USP8: variants seen among roughly 807,000 people sequenced by gnomAD.
USP8 encodes the protein ubiquitin specific peptidase 8, also known as ubiquitin carboxyl-terminal hydrolase 8.
USP8 carries 27 observed loss-of-function variants against 130.0 expected under a neutral mutation model. The observed-to-expected ratio is 0.21, with a 90% CI of 0.15 to 0.29. USP8 has a LOEUF of 0.29. Ranked by LOEUF, USP8 falls within the 10% of genes least tolerant of loss-of-function variation. USP8 has a pLI of 1.00. For synonymous variants in USP8, 392 were observed against 444.1 expected (o/e 0.88, Z 1.48); for missense variants, 1,029 against 1,312.2 (o/e 0.78, Z 3.33).
At position 50,481,603 on chromosome 15, in the gene USP8, G is replaced by A; in HGVS notation, c.1341G>A (p.Lys447=). ...SGKVIPDRST[K]PVVFSPTLML... is the part of the protein sequence containing the mutation. ...AAGTTATTCCTGATCGTTCCACCAA[G>A]CCAGTAGTTTTTTCTCCAACTCTCA... The change falls in exon 11 of 20, where the codon AAG becomes AAA. Residue 447 remains lysine (K), a synonymous_variant. Transcript: ENST00000307179. 6.2e-7 allele frequency: 1 copy of A among 1,614,068 alleles called. No individual in the cohort carries two copies. The highest frequency in any genetic ancestry group is 8.5e-7 in the Non-Finnish European group (1 of 1,180,004).
intron 1 of USP8, among the ~76,000 whole-genome samples, chr15:50,425,821 T>G (rs2049694136): frequency 6.6e-6 from 1 of 152,142 alleles, no homozygotes; most frequent in Non-Finnish European, 1.5e-5. Flanking sequence ...TTATGGGCAT[T>G]TGTTTATTAA....
In USP8 at chr15:50,490,411, A is replaced by G. The variant is rs1313852039; in HGVS notation, c.2120A>G (p.Asp707Gly). The stretch of plus-strand genomic sequence containing the variant: ...AAGCCACAGATTCCTGCTGAGCGGG[A>G]TAGGGAACCTTCCAAACTGAAGCGC... Reference protein sequence around the residue: ...KAKPQIPAERDREPSKLKRSY... With the variant: ...KAKPQIPAERGREPSKLKRSY... Residue 707 changes from aspartate to glycine, a missense_variant, in exon 14 of 20, where the codon GAT (aspartate) becomes GGT (glycine). Asp to Gly is a moderately conservative substitution (Grantham distance 94). This residue lies in a region of USP8 where 486 missense variants were observed against 522.0 expected (regional missense o/e 0.93). Transcript: ENST00000307179. 19 of 1,613,980 alleles carry G rather than the reference A, an allele frequency of 1.2e-5. No homozygotes were observed. Among genetic ancestry groups the G allele is most frequent in the Non-Finnish European group, 1.6e-5 (19 of 1,180,024 alleles).
chr15:50,488,830 C>T (rs1394980507), intron 12 of USP8, among the ~76,000 whole-genome samples: 3 of 151,852 alleles, frequency 2.0e-5, no homozygotes, highest in Non-Finnish European at 4.4e-5. Flanking sequence ...GCCTCGGCCT[C>T]CCAAAGCGCT....
At chr15:50,473,704 G>A (rs1022065833) in intron 8 of USP8, among the ~76,000 whole-genome samples, 1 of 151,710 alleles carries the variant, frequency 6.6e-6, no homozygotes, top group Non-Finnish European at 1.5e-5. Context: ...TTGCTATGTT[G>A]CCCAGGCTAG....
At chr15:50,462,803 A>G (rs1288582968) in intron 6 of USP8, among the ~76,000 whole-genome samples, 9 of 152,144 alleles carry the variant, frequency 5.9e-5, no homozygotes, top group Non-Finnish European at 1.3e-4. Flanking sequence ...GGGTTGAATG[A>G]GCTAATATAT....
At chr15:50,487,808 G>A (rs1418065646) in intron 12 of USP8, among the ~76,000 whole-genome samples, 2 of 152,160 alleles carry the variant, frequency 1.3e-5, no homozygotes, top group Non-Finnish European at 2.9e-5. Context: ...TACTGTATTT[G>A]CTGAGCAACT....
rs1595996444 is a variant in USP8 at position 50,498,390 on chromosome 15, A to G, written c.3039-206A>G. ...CTGGCTGTTTGACCTTAGGCACATC[A>G]TTAAATATCCATATGCCTCAGTTTT... is the stretch of plus-strand genomic sequence containing the variant. On this transcript the variant is annotated intron_variant, in intron 18 of 19. Transcript: ENST00000307179. 5.2e-6 allele frequency: 3 copies of G among 579,336 alleles called. No individual in the cohort carries two copies. The East Asian group carries it at 9.4e-5, about 18-fold the overall frequency. The allele number at this position is 579,336 out of a possible 1,614,324, so 35.9% of individuals were successfully genotyped here.
intron 1 of USP8, among the ~76,000 whole-genome samples, chr15:50,429,304 G>GTTTTT (rs34348433): frequency 8.3e-6 from 1 of 120,982 alleles, no homozygotes; most frequent in Non-Finnish European, 1.8e-5. Context: ...TCCTGGAGGT[G>GTTTTT]TTTTTTTTTT....
In USP8 at chr15:50,492,851, A is replaced by G. The variant is rs1004386161; in HGVS notation, c.2385A>G (p.Leu795=). The G allele has an allele frequency of 8.7e-6, 14 of 1,614,134 alleles. No individual in the cohort carries two copies. Among genetic ancestry groups the G allele is most frequent in the African/African-American group, 1.3e-5 (1 of 75,048 alleles). ...ATATGAACTCAATATTGCAGTGCCT[A>G]TGTAACGCTCCACATTTGGCTGATT... ...TCYMNSILQC[L]CNAPHLADYF... Residue 795 remains leucine (L), a synonymous_variant, in exon 15 of 20, where the codon CTA becomes CTG. Transcript: ENST00000307179.
rs1425951777 is a variant in USP8, at chr15:50,505,300, T to C, written c.*6212T>C. 3.3e-5 allele frequency: 5 copies of C among 150,224 alleles called. No homozygotes were observed. The highest frequency in any genetic ancestry group is 7.4e-5 in the Non-Finnish European group (5 of 67,404). The allele number at this position is 150,224 out of a possible 1,614,324, so 9.3% of individuals were successfully genotyped here. ...AAAGCAACCAGAAAGAAAAAGAGAG[T>C]TTACCCACAAGAATCTAACCTGCTG... On this transcript the variant is annotated 3_prime_UTR_variant, in exon 20 of 20. Transcript: ENST00000307179.
At chr15:50,470,331 C>T (rs545066761) in intron 7 of USP8, among the ~76,000 whole-genome samples, 4 of 152,124 alleles carry the variant, frequency 2.6e-5, no homozygotes, top group South Asian at 2.1e-4. Context: ...ATCATGTGTG[C>T]GTGTGCATGT....
chr15:50,472,015 C>T (rs866274489), intron 8 of USP8, among the ~76,000 whole-genome samples: 2 of 151,758 alleles, frequency 1.3e-5, no homozygotes, highest in Admixed American at 6.6e-5. Context: ...ATTCTCCTGC[C>T]TCAGCCTCCT....
At chr15:50,488,491 C>T (rs2052038501) in intron 12 of USP8, among the ~76,000 whole-genome samples, 1 of 151,566 alleles carries the variant, frequency 6.6e-6, no homozygotes, top group African/African-American at 2.4e-5. Flanking sequence ...TCAAGCGATC[C>T]TCCCACCTCG....
At chr15:50,470,678 C>T (rs942350310) in intron 7 of USP8, among the ~76,000 whole-genome samples, 1 of 151,128 alleles carries the variant, frequency 6.6e-6, no homozygotes, top group Admixed American at 6.6e-5. Flanking sequence ...TCTTGGCTCA[C>T]TGCAGCCTCC....
chr15:50,441,052 A>G (rs62019077), intron 2 of USP8, among the ~76,000 whole-genome samples: 21,290 of 151,772 alleles, frequency 0.14, 1,981 homozygotes, highest in Middle Eastern at 0.27. Flanking sequence ...TGTGCAGTTC[A>G]CAATAGGGTT....
At chr15:50,429,945 A>G (rs2049876782) in intron 1 of USP8, among the ~76,000 whole-genome samples, 1 of 152,232 alleles carries the variant, frequency 6.6e-6, no homozygotes, top group African/African-American at 2.4e-5. Flanking sequence ...ATAGACATCT[A>G]TTCTGGAAAA....
At chr15:50,452,132 G>A (rs2050648000) in intron 4 of USP8, among the ~76,000 whole-genome samples, 1 of 152,194 alleles carries the variant, frequency 6.6e-6, no homozygotes, top group Admixed American at 6.5e-5. Flanking sequence ...ATAGATTTCA[G>A]TATCACCTGC....
rs71424071 is a variant in USP8 at position 50,485,550 on chromosome 15, A to ATTTTTTTTTTTTTTTTT, written c.1890+1206_1890+1222dup. Among the ~76,000 whole-genome samples, 22 of 27,946 alleles carry ATTTTTTTTTTTTTTTTT rather than the reference A, an allele frequency of 7.9e-4. 3 individuals are homozygous for ATTTTTTTTTTTTTTTTT. Among genetic ancestry groups the ATTTTTTTTTTTTTTTTT allele is most frequent in the East Asian group, 3.0e-3 (2 of 658 alleles). 18.3% of individuals were successfully genotyped at this position (27,946 alleles called of 152,430 possible). A position where few individuals can be genotyped will look rare whatever the true frequency, so the allele number is the denominator to read the frequency against. The stretch of plus-strand genomic sequence containing the variant: ...CCCATTTTTAGCATGCAGTTTAGTG[A>ATTTTTTTTTTTTTTTTT]TTTTTTTTTTTTTTTTTTTTTTTTT... On this transcript the variant is annotated intron_variant, in intron 12 of 19. Transcript: ENST00000307179.
At chr15:50,446,485 A>G (rs2050445334) in intron 3 of USP8, among the ~76,000 whole-genome samples, 1 of 152,150 alleles carries the variant, frequency 6.6e-6, no homozygotes, top group Non-Finnish European at 1.5e-5. Context: ...TTTACTTTGT[A>G]TTTTGTATTT....
Sources: gnomAD v4.1 joint callset for allele counts (sites outside exome capture counted in the v4.1 genomes callset) on GRCh38, gnomAD v4.1.1 for gene constraint, gnomAD v4.1.1 regional missense constraint, MANE v1.5 for transcripts, NCBI Gene and HGNC (gene_info 2026-07-23, HGNC 2026-07-21) for gene names.